MYO1E: variants seen among roughly 807,000 people sequenced by gnomAD.
MYO1E encodes the protein unconventional myosin-Ie.
Under a neutral mutation model 151.1 loss-of-function variants are expected in MYO1E, and 68 were observed. The ratio of observed to expected loss-of-function variants is 0.45; its 90% CI spans 0.37 to 0.55. The LOEUF is 0.55. MYO1E is among the 20% of genes least tolerant of loss of function. The pLI is 0.00. For missense variants in MYO1E, 1,363 were observed against 1,389.3 expected, an observed-to-expected ratio of 0.98 and a Z score of 0.30; for synonymous variants, 601 against 501.7, an observed-to-expected ratio of 1.20 and a Z score of -2.64.
intron 1 of MYO1E, among the ~76,000 whole-genome samples, chr15:59,299,454 T>C (rs2080469641): frequency 6.6e-6 from 1 of 152,244 alleles, no homozygotes; most frequent in Non-Finnish European, 1.5e-5. Context: ...GATTCAATCA[T>C]TTCACCTAGT....
intron 2 of MYO1E, among the ~76,000 whole-genome samples, chr15:59,262,752 G>GA (rs1392900210): frequency 1.5e-4 from 23 of 152,202 alleles, no homozygotes; most frequent in African/African-American, 5.3e-4. Flanking sequence ...TCTGCTTGGG[G>GA]AATACAAGAT....
Position 59,133,696 on chromosome 15 carries a change from C to G in MYO1E, c.*3684G>C, listed in dbSNP as rs1175083733. ...ACAAAAGTGAGGGGTGCCAGAAACA[C>G]AGAGTTAAATTGTCTACCAAAGACG... is the stretch of plus-strand genomic sequence containing the variant. On this transcript the variant is annotated 3_prime_UTR_variant, in exon 28 of 28. Coordinates refer to ENST00000288235, the MANE Select transcript of MYO1E (RefSeq NM_004998.4). 3.9e-5 allele frequency: 6 copies of G among 152,184 alleles called. No individual in the cohort carries two copies. Among genetic ancestry groups the G allele is most frequent in the Non-Finnish European group, 4.4e-5 (3 of 68,050 alleles). 9.4% of individuals were successfully genotyped at this position (152,184 alleles called of 1,614,324 possible).
intron 1 of MYO1E, among the ~76,000 whole-genome samples, chr15:59,362,475 A>G (rs1214944926): frequency 6.6e-6 from 1 of 152,182 alleles, no homozygotes; most frequent in East Asian, 1.9e-4. Context: ...TTCTCAGAGG[A>G]CTCAGGACAT....
chr15:59,347,543 A>G (rs1194185168), intron 1 of MYO1E, among the ~76,000 whole-genome samples: 1 of 152,216 alleles, frequency 6.6e-6, no homozygotes, highest in Non-Finnish European at 1.5e-5. Context: ...TTAAAAAGGA[A>G]TTTAATTAGT....
intron 1 of MYO1E, among the ~76,000 whole-genome samples, chr15:59,359,324 A>G (rs760769479): frequency 1.4e-5 from 2 of 138,548 alleles, no homozygotes; most frequent in South Asian, 2.2e-4. Flanking sequence ...ATATATATAT[A>G]TATTTTTTTT....
At chr15:59,283,614 C>T (rs558212393) in intron 1 of MYO1E, among the ~76,000 whole-genome samples, 5 of 152,306 alleles carry the variant, frequency 3.3e-5, no homozygotes, top group African/African-American at 1.2e-4. Flanking sequence ...ATTATTCTCA[C>T]GTAACAGCTA....
rs139465268 is a variant in MYO1E, at chr15:59,232,566, T to C, written c.421-775A>G. ...CATGAGACAGCTCAATAGATAGAAT[T>C]TGATGTTGGAGAAGTCTTTCAACAA... On this transcript the variant is annotated intron_variant, in intron 5 of 27. Coordinates refer to ENST00000288235, the MANE Select transcript of MYO1E (RefSeq NM_004998.4). Among the ~76,000 whole-genome samples the C allele has an allele frequency of 2.2e-3, 339 of 152,328 alleles. 2 individuals are homozygous for C. The highest frequency in any genetic ancestry group is 7.5e-3 in the African/African-American group (312 of 41,582).
At chr15:59,203,418 TCACCAGG>T (rs1328548344) in intron 15 of MYO1E, among the ~76,000 whole-genome samples, 5 of 151,192 alleles carry the variant, frequency 3.3e-5, no homozygotes, top group Non-Finnish European at 5.9e-5. Flanking sequence ...TCTCGCTCTG[TCACCAGG>T]CTGGAGTGCA....
intron 10 of MYO1E, among the ~76,000 whole-genome samples, chr15:59,215,446 G>C (rs2079907406): frequency 6.6e-6 from 1 of 152,130 alleles, no homozygotes. Context: ...CTAAATTTAA[G>C]CAGTATGATG....
intron 1 of MYO1E, among the ~76,000 whole-genome samples, chr15:59,371,270 G>A (rs1359241271): frequency 1.3e-5 from 2 of 151,994 alleles, no homozygotes; most frequent in African/African-American, 2.4e-5. Context: ...GCTGCTCACC[G>A]GGATATCGAT....
chr15:59,156,386 T>G (rs1778974110), intron 25 of MYO1E, among the ~76,000 whole-genome samples: 1 of 152,200 alleles, frequency 6.6e-6, no homozygotes, highest in Admixed American at 6.5e-5. Flanking sequence ...GGTTTTGTCA[T>G]GTTGGCTAGG....
chr15:59,362,412 T>C (rs569129531), intron 1 of MYO1E, among the ~76,000 whole-genome samples: 2 of 152,320 alleles, frequency 1.3e-5, no homozygotes, highest in South Asian at 4.1e-4. Context: ...CTGCGGAATG[T>C]TTATTTGTTA....
intron 1 of MYO1E, among the ~76,000 whole-genome samples, chr15:59,353,369 A>AAAGAAAAG (rs1555422217): frequency 1.8e-4 from 17 of 96,882 alleles, no homozygotes; most frequent in African/African-American, 6.8e-4. Flanking sequence ...AAAAAAAAAA[A>AAAGAAAAG]AAAAGAAAAG....
At position 59,372,623 on chromosome 15, in the gene MYO1E, C is replaced by G. The variant is rs756707530; in HGVS notation, c.-123G>C. On this transcript the variant is annotated 5_prime_UTR_variant, in exon 1 of 28. Coordinates refer to ENST00000288235, the MANE Select transcript of MYO1E (RefSeq NM_004998.4). ...CTCGCCAAAAACAGGCTCCCGACAC[C>G]CAAGCACTCACAGGAGCCAATGGGA... The G allele has an allele frequency of 7.7e-7, 1 of 1,294,090 alleles. No homozygotes were observed. Among genetic ancestry groups the G allele is most frequent in the East Asian group, 2.6e-5 (1 of 38,382 alleles). The allele number at this position is 1,294,090 out of a possible 1,614,324, so 80.2% of individuals were successfully genotyped here. A position where few individuals can be genotyped will look rare whatever the true frequency, so the allele number is the denominator to read the frequency against.
At chr15:59,210,430 G>A (rs1178504755) in intron 13 of MYO1E, 84 bp downstream of exon 13, 5 of 1,002,148 alleles carry the variant, frequency 5.0e-6, no homozygotes, top group Admixed American at 1.7e-5. Context: ...CACTTTGCCT[G>A]TTCTAAAACA....
chr15:59,224,041 C>A (rs1330986516), intron 8 of MYO1E, among the ~76,000 whole-genome samples: 3 of 152,214 alleles, frequency 2.0e-5, no homozygotes, highest in African/African-American at 4.8e-5. Flanking sequence ...GGAATAGTCC[C>A]CAGCTTGAAA....
At chr15:59,209,694 G>GTAAA (rs759023352) in intron 13 of MYO1E, among the ~76,000 whole-genome samples, 3 of 150,614 alleles carry the variant, frequency 2.0e-5, no homozygotes, top group Non-Finnish European at 2.9e-5. Flanking sequence ...AAATAAACAT[G>GTAAA]TAAATAAATA....
intron 6 of MYO1E, among the ~76,000 whole-genome samples, chr15:59,228,500 T>C (rs1212553743): frequency 6.6e-6 from 1 of 150,944 alleles, no homozygotes; most frequent in Non-Finnish European, 1.5e-5. Context: ...CAAAATTATA[T>C]ATATAATTAT....
intron 17 of MYO1E, among the ~76,000 whole-genome samples, chr15:59,193,847 C>CA (rs2079749254): frequency 6.6e-6 from 1 of 152,132 alleles, no homozygotes; most frequent in African/African-American, 2.4e-5. Context: ...AATCTGACTA[C>CA]ATTAAATTGA....
Sources: gnomAD v4.1 joint callset for allele counts (sites outside exome capture counted in the v4.1 genomes callset) on GRCh38, gnomAD v4.1.1 for gene constraint, MANE v1.5 for transcripts, NCBI Gene and HGNC (gene_info 2026-07-23, HGNC 2026-07-21) for gene names.